The following TACC2 variants were observed in gnomAD, a reference collection of about 807,000 sequenced individuals.
TACC2 encodes transforming acidic coiled-coil-containing protein 2.
A neutral mutation model predicts 227.3 loss-of-function variants in TACC2; 137 were observed. The observed-to-expected ratio is 0.60, with a 90% CI of 0.52 to 0.69. TACC2 has a LOEUF of 0.69. TACC2 is among the 30% of genes least tolerant of loss of function. TACC2 has a pLI of 0.00. For missense variants in TACC2, 3,470 were observed against 3,694.4 expected, an observed-to-expected ratio of 0.94 and a Z score of 1.57; for synonymous variants, 1,523 against 1,487.5, an observed-to-expected ratio of 1.02 and a Z score of -0.55.
chr10:122,217,000 C>T, intron 11 of TACC2, 172 bp downstream of exon 11: 1 of 1,357,106 alleles, frequency 7.4e-7, no homozygotes, highest in African/African-American at 1.5e-5. Flanking sequence ...TTGAAAACAG[C>T]CTGAGACTTG....
chr10:122,253,396 A>T (rs2096285186), intron 22 of TACC2, among the ~76,000 whole-genome samples: 1 of 152,168 alleles, frequency 6.6e-6, no homozygotes, highest in Non-Finnish European at 1.5e-5. Context: ...TCTGTGCTAG[A>T]CAAACCTGTG....
chr10:122,147,482 G>A (rs1215792901), intron 7 of TACC2, among the ~76,000 whole-genome samples: 1 of 152,178 alleles, frequency 6.6e-6, no homozygotes, highest in Non-Finnish European at 1.5e-5. Context: ...ACTGTCGTCT[G>A]TGGAAGGAAG....
At chr10:122,022,112 CA>C in intron 2 of TACC2, 98 bp downstream of exon 2, 1 of 1,211,362 alleles carries the variant, frequency 8.3e-7, no homozygotes, top group Non-Finnish European at 1.2e-6. Flanking sequence ...CAGGAAGGAG[CA>C]AACAAGACAG....
intron 7 of TACC2, among the ~76,000 whole-genome samples, chr10:122,176,109 CTCTCTCTCTATATATA>C (rs757272204): frequency 0.012 from 798 of 67,928 alleles, 6 homozygotes; most frequent in African/African-American, 0.06. Flanking sequence ...CTCTCTCTCT[CTCTCTCTCTATATATA>C]TATATATATA....
chr10:122,058,787 A>C (rs934738325), intron 3 of TACC2, among the ~76,000 whole-genome samples: 16 of 152,130 alleles, frequency 1.1e-4, no homozygotes, highest in Non-Finnish European at 1.8e-4. Context: ...AGAAGATGCT[A>C]AGGTTCTGGA....
At chr10:122,059,068 TGTTG>T (rs2076512947) in intron 3 of TACC2, among the ~76,000 whole-genome samples, 24 of 136,616 alleles carry the variant, frequency 1.8e-4, no homozygotes, top group South Asian at 4.9e-4. Flanking sequence ...AATTTGTTGT[TGTTG>T]TTGTTGTTGT....
chr10:122,143,327 G>C (rs927237492), intron 6 of TACC2, among the ~76,000 whole-genome samples: 1 of 152,122 alleles, frequency 6.6e-6, no homozygotes, highest in African/African-American at 2.4e-5. Context: ...AAAGAAACCC[G>C]GTTCTACAGA....
chr10:122,066,664 A>G (rs1280728153), intron 3 of TACC2, among the ~76,000 whole-genome samples: 1 of 152,164 alleles, frequency 6.6e-6, no homozygotes, highest in Non-Finnish European at 1.5e-5. Flanking sequence ...CGGCCTCCCA[A>G]AGTGTTGGGA....
chr10:122,059,069 G>T (rs777909983), intron 3 of TACC2, among the ~76,000 whole-genome samples: 68,722 of 127,846 alleles, frequency 0.54, 20,338 homozygotes, highest in Non-Finnish European at 0.63. Flanking sequence ...ATTTGTTGTT[G>T]TTGTTGTTGT....
intron 3 of TACC2, among the ~76,000 whole-genome samples, chr10:122,073,106 CAAAAA>C: frequency 5.1e-5 from 1 of 19,422 alleles, no homozygotes; most frequent in Non-Finnish European, 8.5e-5. Context: ...GACTCTGTCT[CAAAAA>C]AAAAAAAAAA....
intron 2 of TACC2, among the ~76,000 whole-genome samples, chr10:122,032,044 G>A (rs979715406): frequency 2.6e-5 from 4 of 152,032 alleles, no homozygotes; most frequent in African/African-American, 9.7e-5. Context: ...GAATCTGAGC[G>A]ACCCTGATTG....
Position 122,084,212 on chromosome 10 carries a change from C to T in TACC2, c.1712C>T (p.Ser571Leu), listed in dbSNP as rs868623666. 3 of 1,613,980 alleles carry T rather than the reference C, an allele frequency of 1.9e-6. No individual in the cohort carries two copies. The highest frequency in any genetic ancestry group is 2.5e-6 in the Non-Finnish European group (3 of 1,180,050). ...GCCGTGGCTAAAGAAGGAAGCAGAT[C>T]ACCTGGTGACAGCCCTGGAGGAAAG... is the stretch of plus-strand genomic sequence containing the variant. ...SPAVAKEGSR[S>L]PGDSPGGKEE... The change falls in exon 4 of 23, where the codon TCA becomes TTA. Residue 571 changes from serine to leucine, a missense_variant. By Grantham distance (145) the Ser-to-Leu change is moderately radical (BLOSUM62 -2). This residue lies in a region of TACC2 where 1,924 missense variants were observed against 1,978.3 expected (regional missense o/e 0.97). Coordinates refer to ENST00000369005, the MANE Select transcript of TACC2 (RefSeq NM_206862.4).
intron 1 of TACC2, among the ~76,000 whole-genome samples, chr10:121,999,174 A>C (rs894587273): frequency 6.6e-6 from 1 of 151,984 alleles, no homozygotes; most frequent in Non-Finnish European, 1.5e-5. Context: ...ACGCCCAGCT[A>C]ATTTTTTGTA....
At chr10:122,001,578 T>C (rs1048848540) in intron 1 of TACC2, among the ~76,000 whole-genome samples, 1 of 152,254 alleles carries the variant, frequency 6.6e-6, no homozygotes, top group Non-Finnish European at 1.5e-5. Context: ...ACTCTTTTTG[T>C]AAGTGTATAA....
chr10:122,143,432 A>G, intron 6 of TACC2, 140 bp from the exon 7 acceptor site: 1 of 858,814 alleles, frequency 1.2e-6, no homozygotes, highest in East Asian at 2.7e-5. Context: ...TGGATGGGGA[A>G]GCCGGGGAGC....
At chr10:122,227,505 C>T (rs930875247) in intron 13 of TACC2, among the ~76,000 whole-genome samples, 1 of 152,314 alleles carries the variant, frequency 6.6e-6, no homozygotes, top group East Asian at 1.9e-4. Context: ...TTAATCTTCA[C>T]AGAGAGGTCC....
At chr10:122,072,843 T>C (rs1038826977) in intron 3 of TACC2, among the ~76,000 whole-genome samples, 22 of 151,978 alleles carry the variant, frequency 1.4e-4, no homozygotes, top group African/African-American at 5.3e-4. Context: ...GGGCCGGGCG[T>C]GGCGGCTCAC....
chr10:122,154,240 G>C (rs1475926982), intron 7 of TACC2, among the ~76,000 whole-genome samples: 1 of 152,226 alleles, frequency 6.6e-6, no homozygotes, highest in Non-Finnish European at 1.5e-5. Context: ...GCTCCCTCTT[G>C]GAGCCAAACT....
chr10:122,220,212 G>A (rs368458472), intron 11 of TACC2, among the ~76,000 whole-genome samples: 1 of 151,994 alleles, frequency 6.6e-6, no homozygotes, highest in South Asian at 2.1e-4. Flanking sequence ...TTCAATGGTG[G>A]CATTTATTTG....
Sources: allele counts gnomAD v4.1 joint callset (sites outside exome capture counted in the v4.1 genomes callset), GRCh38; gene constraint gnomAD v4.1.1; regional missense constraint gnomAD v4.1.1; transcripts MANE v1.5; gene names NCBI Gene and HGNC (gene_info 2026-07-23, HGNC 2026-07-21).